DOP1B: variants seen among roughly 807,000 people sequenced by gnomAD.
DOP1B encodes DOP1 leucine zipper like protein B, also known as protein DOP1B.
A neutral mutation model predicts 233.5 loss-of-function variants in DOP1B; 174 were observed. The ratio of observed to expected loss-of-function variants is 0.75; its 90% CI spans 0.66 to 0.85. The LOEUF (loss-of-function observed/expected upper bound fraction) is 0.85, where lower values mean the gene tolerates loss of function less well. Ranked by LOEUF, DOP1B falls within the 40% of genes least tolerant of loss-of-function variation. The pLI is 0.00. For missense variants in DOP1B, 2,652 were observed against 2,846.6 expected, an observed-to-expected ratio of 0.93 and a Z score of 1.56; for synonymous variants, 1,190 against 1,185.6, an observed-to-expected ratio of 1.00 and a Z score of -0.08.
Position 36,161,097 on chromosome 21 carries a change from A to G in DOP1B, c.-26-3611A>G, listed in dbSNP as rs112228970. 5.2e-3 allele frequency among the ~76,000 whole-genome samples: 795 copies of G among 152,046 alleles called. 5 individuals are homozygous for G. The highest frequency in any genetic ancestry group is 0.017 in the African/African-American group (714 of 41,436). On this transcript the variant is annotated intron_variant, in intron 1 of 36. Transcript: ENST00000691173. Reference sequence around the variant, plus strand: ...AGAAGGAAAAGATGGGAGAAGGAGCATGTTGAGCAGATGGAATTGAGAGTT... The same window carrying G: ...AGAAGGAAAAGATGGGAGAAGGAGCGTGTTGAGCAGATGGAATTGAGAGTT...
At chr21:36,210,664 TAGC>T (rs1260452905) in intron 5 of DOP1B, among the ~76,000 whole-genome samples, 4 of 149,368 alleles carry the variant, frequency 2.7e-5, no homozygotes, top group Non-Finnish European at 5.9e-5. Context: ...CAAAAAAAAT[TAGC>T]AGAGCATGGT....
intron 12 of DOP1B, among the ~76,000 whole-genome samples, chr21:36,226,960 C>A (rs1382857570): frequency 2.0e-5 from 3 of 152,026 alleles, no homozygotes; most frequent in African/African-American, 7.2e-5. Context: ...AATCCCAGCA[C>A]TTTGGGAGGC....
At chr21:36,161,870 G>C (rs1435064131) in intron 1 of DOP1B, among the ~76,000 whole-genome samples, 1 of 152,184 alleles carries the variant, frequency 6.6e-6, no homozygotes, top group African/African-American at 2.4e-5. Flanking sequence ...GTCTGGTCTT[G>C]TGTGTCTGGC....
chr21:36,163,180 C>G (rs1048610079), intron 1 of DOP1B, among the ~76,000 whole-genome samples: 7 of 151,822 alleles, frequency 4.6e-5, no homozygotes, highest in Non-Finnish European at 8.8e-5. Context: ...CCCGTCTCTA[C>G]TAAAAATACA....
Position 36,181,570 on chromosome 21 carries a change from C to T in DOP1B, c.138+16699C>T, listed in dbSNP as rs1285527122. 3.3e-5 allele frequency among the ~76,000 whole-genome samples: 5 copies of T among 152,196 alleles called. No individual in the cohort carries two copies. The South Asian group carries it at 6.2e-4, about 19-fold the overall frequency. On this transcript the variant is annotated intron_variant, in intron 2 of 36. Coordinates refer to ENST00000691173, the MANE Select transcript of DOP1B (RefSeq NM_001320714.2). ...CTGGGATTACAGGCATGAGCCACCA[C>T]GCCCGGCCCAGGACTCTTGTCTTCT...
At chr21:36,195,434 T>C (rs1325524595) in intron 2 of DOP1B, among the ~76,000 whole-genome samples, 1 of 147,646 alleles carries the variant, frequency 6.8e-6, no homozygotes, top group Non-Finnish European at 1.5e-5. Flanking sequence ...CTCAGGAGAC[T>C]GAGGTGGGAG....
rs1423988505 is a variant in DOP1B at position 36,253,843 on chromosome 21, T to C, written c.5193T>C (p.Thr1731=). Residue 1731 remains threonine (T), a synonymous_variant, in exon 23 of 37, where the codon ACT becomes ACC. Coordinates refer to ENST00000691173, the MANE Select transcript of DOP1B (RefSeq NM_001320714.2). Reference sequence around the variant, plus strand: ...TGTGTGCACTCAGCACCCTGCAGACTGACACGCTGCTGCACCTGGTGAAGG... The same window carrying C: ...TGTGTGCACTCAGCACCCTGCAGACCGACACGCTGCTGCACCTGGTGAAGG... ...DLVCALSTLQ[T]DTLLHLVKEV... 2.5e-6 allele frequency: 4 copies of C among 1,614,100 alleles called. No individual in the cohort carries two copies. The highest frequency in any genetic ancestry group is 1.3e-5 in the African/African-American group (1 of 75,032).
chr21:36,213,998 T>G (rs1445297745), intron 7 of DOP1B, 83 bp from the exon 8 acceptor site: 2 of 1,137,246 alleles, frequency 1.8e-6, no homozygotes, highest in East Asian at 4.8e-5. Context: ...TTTTTAAAAA[T>G]ATTGGAGCAT....
chr21:36,201,246 C>G (rs1448336083), intron 4 of DOP1B, among the ~76,000 whole-genome samples: 1 of 152,032 alleles, frequency 6.6e-6, no homozygotes, highest in African/African-American at 2.4e-5. Context: ...CAGGAGTTAC[C>G]TCCATTTACA....
In DOP1B at chr21:36,248,539, T is replaced by A. The variant is rs756950440; in HGVS notation, c.4969T>A (p.Ser1657Thr). 6.2e-6 allele frequency: 10 copies of A among 1,611,274 alleles called. No individual in the cohort carries two copies. Among genetic ancestry groups the A allele is most frequent in the African/African-American group, 1.3e-5 (1 of 74,734 alleles). The change falls in exon 21 of 37, where the codon TCC (serine) becomes ACC (threonine). Residue 1657 changes from serine to threonine, a missense_variant. Physicochemically the swap from Ser to Thr is moderately conservative, Grantham distance 58. Transcript: ENST00000691173. ...PVDLLGATKG[S>T]SSVYFKTTKT... ...CGATCTCCTAGGGGCCACGAAGGGA[T>A]CCTCTTCCGTTTACTTTAAAACCAC...
At chr21:36,223,465 C>G in intron 11 of DOP1B, 115 bp downstream of exon 11, 1 of 1,359,842 alleles carries the variant, frequency 7.4e-7, no homozygotes, top group Non-Finnish European at 9.8e-7. Context: ...AGTAGTCTTT[C>G]CTGAGTTTTA....
chr21:36,237,669 G>A (rs1406807518), intron 16 of DOP1B, among the ~76,000 whole-genome samples: 1 of 152,216 alleles, frequency 6.6e-6, no homozygotes, highest in African/African-American at 2.4e-5. Context: ...CAAACTTGCT[G>A]GAAGGACTTG....
rs113260000 is a variant in DOP1B, at chr21:36,272,735, A to G, written c.5632+2578A>G. ...CGCGGTGGCTCACGCCTGTAATCCC[A>G]GCACTTTGGGAGGCCGAGGTGGGCG... On this transcript the variant is annotated intron_variant, in intron 27 of 36. Coordinates refer to ENST00000691173, the MANE Select transcript of DOP1B (RefSeq NM_001320714.2). Among the ~76,000 whole-genome samples the G allele has an allele frequency of 4.6e-3, 705 of 151,744 alleles. 6 individuals carry two copies. The highest frequency in any genetic ancestry group is 0.016 in the African/African-American group (664 of 41,328).
At chr21:36,230,229 G>T (rs1722616326) in intron 13 of DOP1B, among the ~76,000 whole-genome samples, 2 of 152,282 alleles carry the variant, frequency 1.3e-5, no homozygotes, top group South Asian at 2.1e-4. Context: ...AGCCTCCCCA[G>T]AGAGCATGTG....
chr21:36,270,197 C>G, intron 27 of DOP1B, 40 bp downstream of exon 27: 1 of 1,598,960 alleles, frequency 6.3e-7, no homozygotes, highest in Non-Finnish European at 8.5e-7. Flanking sequence ...CTCTGGTCAG[C>G]GCGTGGTTCT....
rs117816143 is a variant in DOP1B at position 36,232,760 on chromosome 21, C to T, written c.2351-44C>T. The T allele has an allele frequency of 3.5e-3, 5,609 of 1,608,690 alleles. 39 individuals carry two copies. Among genetic ancestry groups the T allele is most frequent in the South Asian group, 0.015 (1,334 of 90,638 alleles). ...TCTGCAGACTGGGGACCCATTCTCA[C>T]GTGGTTCTGCTTGTTTCTGCCTCTC... On this transcript the variant is annotated intron_variant, in intron 14 of 36. Transcript: ENST00000691173.
Position 36,245,784 on chromosome 21 carries a change from TA to T in DOP1B, c.3805del (p.Thr1269ProfsTer52), listed in dbSNP as rs969506863. 2 of 1,613,810 alleles carry T rather than the reference TA, an allele frequency of 1.2e-6. No individual in the cohort carries two copies. The highest frequency in any genetic ancestry group is 1.7e-6 in the Non-Finnish European group (2 of 1,179,990). On this transcript the variant is annotated frameshift_variant, in exon 19 of 37. Coordinates refer to ENST00000691173, the MANE Select transcript of DOP1B (RefSeq NM_001320714.2). LOFTEE classifies it high-confidence loss of function. This position sits in a 1 kb window ranked among gnomAD's most constrained non-coding sequence, Gnocchi z 5.5. ...AGGCTGTGTCCAGGACTAGCATGGA[TA>T]CCAGCTCCACCGCGCACCTCAACCT... is the stretch of plus-strand genomic sequence containing the variant. ...IEAVSRTSMD[T>X]SSTAHLNLIS... is the part of the protein sequence containing the mutation.
intron 26 of DOP1B, among the ~76,000 whole-genome samples, chr21:36,268,859 G>A (rs567172079): frequency 2.6e-5 from 4 of 152,090 alleles, no homozygotes; most frequent in East Asian, 3.9e-4. Flanking sequence ...TAGCAGAGAC[G>A]GGGTTTCACC....
chr21:36,214,400 T>C (rs768215069), intron 8 of DOP1B, 42 bp from the exon 9 acceptor site: 11 of 1,566,512 alleles, frequency 7.0e-6, no homozygotes, highest in Non-Finnish European at 9.6e-6. Flanking sequence ...TTACACTTTA[T>C]GATATACGAT....
Sources: gnomAD v4.1 joint callset for allele counts (sites outside exome capture counted in the v4.1 genomes callset) on GRCh38, gnomAD v4.1.1 for gene constraint, Gnocchi (gnomAD v3.1) non-coding constraint, MANE v1.5 for transcripts, NCBI Gene and HGNC (gene_info 2026-07-23, HGNC 2026-07-21) for gene names.